PARN: variants seen among roughly 807,000 people sequenced by gnomAD.
PARN encodes poly(A)-specific ribonuclease.
A neutral mutation model predicts 102.8 loss-of-function variants in PARN; 71 were observed. That is an observed-to-expected ratio of 0.69 (90% CI 0.57 to 0.84). The LOEUF (loss-of-function observed/expected upper bound fraction) is 0.84, where lower values mean the gene tolerates loss of function less well. Among genes scored for constraint, PARN ranks in the 40% least tolerant of loss-of-function variants. The pLI is 0.00. For synonymous variants in PARN, 261 were observed against 252.9 expected, an observed-to-expected ratio of 1.03 and a Z score of -0.30; for missense variants, 782 against 760.9, an observed-to-expected ratio of 1.03 and a Z score of -0.33.
In PARN at chr16:14,580,559, T is replaced by C. The variant is rs1200084294; in HGVS notation, c.1262+315A>G. On this transcript the variant is annotated intron_variant, in intron 18 of 23. Coordinates refer to ENST00000437198, the MANE Select transcript of PARN (RefSeq NM_002582.4). ...ACCTCAGCCTCCCAAAGTGCTGGGA[T>C]TACAGGTGTGAGCCACCACACCCGG... Among the ~76,000 whole-genome samples the C allele has an allele frequency of 2.0e-5, 3 of 152,286 alleles. No homozygotes were observed. The East Asian group carries it at 5.8e-4, about 29-fold the overall frequency.
At chr16:14,545,542 T>C (rs1012125381) in intron 21 of PARN, among the ~76,000 whole-genome samples, 1 of 152,246 alleles carries the variant, frequency 6.6e-6, no homozygotes, top group Non-Finnish European at 1.5e-5. Flanking sequence ...GGATAATTTA[T>C]AGCTTTAAAT....
intron 18 of PARN, among the ~76,000 whole-genome samples, chr16:14,574,985 C>T (rs1283684501): frequency 6.6e-6 from 1 of 152,116 alleles, no homozygotes; most frequent in Non-Finnish European, 1.5e-5. Flanking sequence ...GGGTGGAAGC[C>T]CTAGGCCTTG....
intron 21 of PARN, among the ~76,000 whole-genome samples, chr16:14,516,048 CA>C (rs1195008928): frequency 2.0e-5 from 3 of 150,932 alleles, no homozygotes; most frequent in Non-Finnish European, 4.4e-5. Flanking sequence ...CATTAACACT[CA>C]AAAAAAATTA....
chr16:14,611,147 G>A (rs954735106), intron 6 of PARN, among the ~76,000 whole-genome samples: 1 of 152,202 alleles, frequency 6.6e-6, no homozygotes, highest in Non-Finnish European at 1.5e-5. Context: ...CCCAAAGGAT[G>A]AGAATAAGTC....
intron 21 of PARN, among the ~76,000 whole-genome samples, chr16:14,493,154 T>C (rs1964143245): frequency 6.6e-6 from 1 of 152,224 alleles, no homozygotes. Flanking sequence ...AATTAGTTAA[T>C]TGATTTTCTC....
At chr16:14,497,898 T>C (rs1964396909) in intron 21 of PARN, among the ~76,000 whole-genome samples, 1 of 152,094 alleles carries the variant, frequency 6.6e-6, no homozygotes, top group Non-Finnish European at 1.5e-5. Context: ...CCAAGGCAGG[T>C]GGATCACAAG....
chr16:14,573,491 C>T (rs1050207440), intron 18 of PARN, among the ~76,000 whole-genome samples: 10 of 152,114 alleles, frequency 6.6e-5, no homozygotes, highest in African/African-American at 1.9e-4. Flanking sequence ...TTTCAAGAAA[C>T]GGAAAAGAAT....
At chr16:14,508,726 G>A (rs1280334624) in intron 21 of PARN, among the ~76,000 whole-genome samples, 3 of 149,412 alleles carry the variant, frequency 2.0e-5, no homozygotes, top group Admixed American at 6.7e-5. Context: ...ATTCAATGTT[G>A]TATGTGGAAA....
rs1971979551 is a variant in PARN, at chr16:14,617,281, G to C, written c.388+309C>G. 2.6e-5 allele frequency among the ~76,000 whole-genome samples: 4 copies of C among 151,108 alleles called. No individual in the cohort carries two copies. In the East Asian group the frequency reaches 7.8e-4, roughly 29 times the overall value. ...CACCTGTAGTCCCAGCTACTCGGGA[G>C]GCTGAGGTAGGAGAATGGTGTGAAA... On this transcript the variant is annotated intron_variant, in intron 6 of 23. Coordinates refer to ENST00000437198, the MANE Select transcript of PARN (RefSeq NM_002582.4).
chr16:14,596,151 A>G (rs1970493376), intron 12 of PARN, among the ~76,000 whole-genome samples: 1 of 152,172 alleles, frequency 6.6e-6, no homozygotes, highest in African/African-American at 2.4e-5. Flanking sequence ...GTTTCTAAAC[A>G]TCATTCCCCA....
At chr16:14,613,834 T>C (rs899978383) in intron 6 of PARN, among the ~76,000 whole-genome samples, 3 of 151,826 alleles carry the variant, frequency 2.0e-5, no homozygotes, top group Admixed American at 6.6e-5. Context: ...CGGAGAAGAA[T>C]ACACATAGAG....
intron 3 of PARN, among the ~76,000 whole-genome samples, chr16:14,627,549 C>T (rs186308245): frequency 1.3e-5 from 2 of 152,256 alleles, no homozygotes; most frequent in East Asian, 1.9e-4. Flanking sequence ...ATCCATCATC[C>T]AAAGAATCAT....
At chr16:14,487,610 CAT>C (rs1345633707) in intron 21 of PARN, among the ~76,000 whole-genome samples, 7 of 152,080 alleles carry the variant, frequency 4.6e-5, no homozygotes. Context: ...AGGGCTAACT[CAT>C]AGGCAGTGTG....
At chr16:14,482,383 C>G (rs1348076979) in intron 22 of PARN, among the ~76,000 whole-genome samples, 1 of 151,498 alleles carries the variant, frequency 6.6e-6, no homozygotes, top group Non-Finnish European at 1.5e-5. Flanking sequence ...CAGAATGAGA[C>G]CCTGTCTCAA....
At chr16:14,628,638 T>C (rs1329394780) in intron 2 of PARN, among the ~76,000 whole-genome samples, 1 of 152,082 alleles carries the variant, frequency 6.6e-6, no homozygotes, top group East Asian at 1.9e-4. Flanking sequence ...GAGTTTGGAG[T>C]GGTTAATATC....
At chr16:14,443,513 G>T (rs1961044916) in intron 23 of PARN, among the ~76,000 whole-genome samples, 1 of 151,984 alleles carries the variant, frequency 6.6e-6, no homozygotes, top group South Asian at 2.1e-4. Context: ...GCTAATTTTT[G>T]TATTTTTAGT....
intron 15 of PARN, 97 bp from the exon 16 acceptor site, chr16:14,584,519 G>A: frequency 1.0e-6 from 1 of 958,614 alleles, no homozygotes; most frequent in Non-Finnish European, 1.6e-6. Context: ...ACAGCATCTA[G>A]TACTGTCTCC....
chr16:14,478,710 A>T (rs532872295), intron 22 of PARN, among the ~76,000 whole-genome samples: 29 of 152,384 alleles, frequency 1.9e-4, no homozygotes, highest in South Asian at 4.1e-4. Context: ...GGAATATTTT[A>T]AAAAATCCTA....
chr16:14,444,651 A>G (rs1171967521), intron 23 of PARN, among the ~76,000 whole-genome samples: 1 of 152,238 alleles, frequency 6.6e-6, no homozygotes, highest in East Asian at 1.9e-4. Flanking sequence ...CAGGAATACA[A>G]GTGGGGAAAC....
Sources: allele counts gnomAD v4.1 joint callset (sites outside exome capture counted in the v4.1 genomes callset), GRCh38; gene constraint gnomAD v4.1.1; transcripts MANE v1.5; gene names NCBI Gene and HGNC (gene_info 2026-07-23, HGNC 2026-07-21).